The following ARHGAP18 variants were observed in gnomAD, a reference collection of about 807,000 sequenced individuals.
ARHGAP18 encodes the protein Rho GTPase activating protein 18.
ARHGAP18 carries 67 observed loss-of-function variants against 86.2 expected under a neutral mutation model. That is an observed-to-expected ratio of 0.78 (90% CI 0.64 to 0.95). The LOEUF (loss-of-function observed/expected upper bound fraction) is 0.95, where lower values mean the gene tolerates loss of function less well. ARHGAP18 is among the 40% of genes least tolerant of loss of function. The pLI, the probability that ARHGAP18 is intolerant of heterozygous loss-of-function variation, is 0.00. For missense variants in ARHGAP18, 691 were observed against 780.4 expected (o/e 0.89, Z 1.37); for synonymous variants, 283 against 280.4 (o/e 1.01, Z -0.09).
intron 1 of ARHGAP18, among the ~76,000 whole-genome samples, chr6:129,642,619 C>T (rs1341614332): frequency 2.0e-5 from 3 of 152,030 alleles, no homozygotes; most frequent in Non-Finnish European, 2.9e-5. Flanking sequence ...AAACCTGAAA[C>T]TTTGTTTTTA....
intron 5 of ARHGAP18, among the ~76,000 whole-genome samples, chr6:129,626,086 A>ACACG (rs1726999162): frequency 7.7e-6 from 1 of 130,702 alleles, no homozygotes; most frequent in Admixed American, 8.9e-5. Flanking sequence ...ACACACACAC[A>ACACG]CACACACACA....
chr6:129,664,797 C>A (rs1343774359), intron 1 of ARHGAP18, among the ~76,000 whole-genome samples: 1 of 152,102 alleles, frequency 6.6e-6, no homozygotes, highest in Non-Finnish European at 1.5e-5. Flanking sequence ...GATGTATAAC[C>A]AGTCAGGTGG....
At chr6:129,644,480 T>A (rs1456335584) in intron 1 of ARHGAP18, among the ~76,000 whole-genome samples, 1 of 152,244 alleles carries the variant, frequency 6.6e-6, no homozygotes, top group African/African-American at 2.4e-5. Context: ...AATGTTAATT[T>A]ACAGATGACT....
Position 129,576,716 on chromosome 6 carries a change from T to C in ARHGAP18, c.*1797A>G, listed in dbSNP as rs1354288520. 4 of 152,184 alleles carry C rather than the reference T, an allele frequency of 2.6e-5. No individual in the cohort carries two copies. Among genetic ancestry groups the C allele is most frequent in the African/African-American group, 9.6e-5 (4 of 41,458 alleles). The allele number at this position is 152,184 out of a possible 1,614,324, so 9.4% of individuals were successfully genotyped here. A position where few individuals can be genotyped will look rare whatever the true frequency, so the allele number is the denominator to read the frequency against. On this transcript the variant is annotated 3_prime_UTR_variant, in exon 15 of 15. Coordinates refer to ENST00000368149, the MANE Select transcript of ARHGAP18 (RefSeq NM_033515.3). ...TCAGACAACCTTTTACTTAAATCAT[T>C]ATCCTCACTGCTATCTTTTTTTTTG...
At chr6:129,609,347 T>A (rs1428408310) in intron 8 of ARHGAP18, among the ~76,000 whole-genome samples, 1 of 152,204 alleles carries the variant, frequency 6.6e-6, no homozygotes. Context: ...GCCAGCTGAA[T>A]CCACTTAATT....
At position 129,616,086 on chromosome 6, in the gene ARHGAP18, T is replaced by C. The variant is rs78653821; in HGVS notation, c.1044+126A>G. On this transcript the variant is annotated intron_variant, in intron 7 of 14. Transcript: ENST00000368149. Reference sequence around the variant, plus strand: ...CCTTGAAACCAATTTGCTTCCTGAATAGAAAATCAAAGTACAAAACATGAC... The same window carrying C: ...CCTTGAAACCAATTTGCTTCCTGAACAGAAAATCAAAGTACAAAACATGAC... 2.9e-4 allele frequency: 202 copies of C among 692,548 alleles called. No homozygotes were observed. The African/African-American group carries it at 3.3e-3, about 11-fold the overall frequency. 42.9% of individuals were successfully genotyped at this position (692,548 alleles called of 1,614,324 possible). A position where few individuals can be genotyped will look rare whatever the true frequency, so the allele number is the denominator to read the frequency against.
rs760713815 is a variant in ARHGAP18, at chr6:129,669,172, CT to C, written c.114-27155del. Among the ~76,000 whole-genome samples, 941 of 144,902 alleles carry C rather than the reference CT, an allele frequency of 6.5e-3. 11 individuals are homozygous for C. The highest frequency in any genetic ancestry group is 0.021 in the African/African-American group (825 of 39,696). On this transcript the variant is annotated intron_variant, in intron 1 of 14. Transcript: ENST00000368149. ...TGCTGTGCTTGGCATCTAACACGCACTTTTTTTTTTTTTTCTTGAGACGGAG... is the reference window on the plus strand; with the variant it reads ...TGCTGTGCTTGGCATCTAACACGCACTTTTTTTTTTTTTCTTGAGACGGAG...
chr6:129,649,223 G>C (rs1773650122), intron 1 of ARHGAP18, among the ~76,000 whole-genome samples: 1 of 152,116 alleles, frequency 6.6e-6, no homozygotes, highest in Admixed American at 6.5e-5. Context: ...GGAAAAAAAT[G>C]AAATTTACTT....
At chr6:129,625,137 ATATAT>A (rs1789339057) in intron 5 of ARHGAP18, among the ~76,000 whole-genome samples, 1 of 4,530 alleles carries the variant, frequency 2.2e-4, no homozygotes, top group Non-Finnish European at 3.0e-4. Context: ...TATATATGAT[ATATAT>A]TATATATTAT....
chr6:129,613,212 G>C lies in ARHGAP18; in HGVS notation c.1045-1602C>G, dbSNP rs1214880209. On this transcript the variant is annotated intron_variant, in intron 7 of 14. Transcript: ENST00000368149. ...CGCAACAGTGCACTCCAGCCTGGGC[G>C]ACAGAGCGAGACTCTGTCTCAAAAA... Among the ~76,000 whole-genome samples the C allele has an allele frequency of 4.4e-5, 6 of 136,298 alleles. No individual in the cohort carries two copies. The South Asian group carries it at 1.4e-3, about 31-fold the overall frequency. The allele number at this position is 136,298 out of a possible 152,430, so 89.4% of individuals were successfully genotyped here.
Position 129,611,549 on chromosome 6 carries a change from G to A in ARHGAP18, c.1106C>T (p.Ala369Val). Reference protein sequence around the residue: ...ETEGLLRIPGAAIRIKNLCQE... With the variant: ...ETEGLLRIPGVAIRIKNLCQE... Reference sequence around the variant, plus strand: ...AGAGATTACCTTGATTCTAATGGCAGCTCCAGGGATCCGTAAGAGGCCTTC... The same window carrying A: ...AGAGATTACCTTGATTCTAATGGCAACTCCAGGGATCCGTAAGAGGCCTTC... Residue 369 changes from alanine to valine, a missense_variant, in exon 8 of 15, where the codon GCT becomes GTT. Physicochemically the swap from Ala to Val is moderately conservative, Grantham distance 64. Coordinates refer to ENST00000368149, the MANE Select transcript of ARHGAP18 (RefSeq NM_033515.3). 6.2e-7 allele frequency: 1 copy of A among 1,613,670 alleles called. No homozygotes were observed.
At chr6:129,696,320 AC>A (rs1774615994) in intron 1 of ARHGAP18, among the ~76,000 whole-genome samples, 1 of 152,234 alleles carries the variant, frequency 6.6e-6, no homozygotes, top group Non-Finnish European at 1.5e-5. Flanking sequence ...ATAATAGCTA[AC>A]TAACATTTCA....
chr6:129,610,668 C>T lies in ARHGAP18; in HGVS notation c.1122+865G>A, dbSNP rs183206640. On this transcript the variant is annotated intron_variant, in intron 8 of 14. Coordinates refer to ENST00000368149, the MANE Select transcript of ARHGAP18 (RefSeq NM_033515.3). The stretch of plus-strand genomic sequence containing the variant: ...TTTGAGACGAAGTCTCGCACTGTTG[C>T]CCGGGCTGGAGTGCAATGGTGCGAT... Among the ~76,000 whole-genome samples, 611 of 152,140 alleles carry T rather than the reference C, an allele frequency of 4.0e-3. 2 individuals are homozygous for T. Among genetic ancestry groups the T allele is most frequent in the Middle Eastern group, 0.017 (5 of 294 alleles).
intron 1 of ARHGAP18, among the ~76,000 whole-genome samples, chr6:129,663,055 C>G (rs914388385): frequency 4.1e-4 from 63 of 152,176 alleles, no homozygotes; most frequent in African/African-American, 1.5e-3. Context: ...GATGAGGAAA[C>G]TGAGGCTTAG....
At chr6:129,582,448 T>C (rs541073336) in intron 13 of ARHGAP18, among the ~76,000 whole-genome samples, 75 of 152,154 alleles carry the variant, frequency 4.9e-4, no homozygotes, top group Non-Finnish European at 8.5e-4. Context: ...GCTGCTTATA[T>C]CTGAAGTCTG....
intron 1 of ARHGAP18, among the ~76,000 whole-genome samples, chr6:129,707,397 T>A (rs11154494): frequency 1.3e-5 from 2 of 152,064 alleles, no homozygotes; most frequent in Admixed American, 6.5e-5. Context: ...AAAGTTATAC[T>A]TCCGTGCTAT....
intron 1 of ARHGAP18, among the ~76,000 whole-genome samples, chr6:129,703,434 G>A (rs1239323661): frequency 1.3e-5 from 2 of 152,210 alleles, no homozygotes; most frequent in Non-Finnish European, 2.9e-5. Context: ...CAGTGCAATC[G>A]TACAATGCAG....
Position 129,578,525 on chromosome 6 carries a change from T to A in ARHGAP18, c.1980A>T (p.Ser660=), listed in dbSNP as rs752424330. The change falls in exon 15 of 15, where the codon TCA becomes TCT. Residue 660 remains serine, a synonymous_variant. Coordinates refer to ENST00000368149, the MANE Select transcript of ARHGAP18 (RefSeq NM_033515.3). Reference sequence around the variant, plus strand: ...CTTGTTAAGTCTTCTACAATGGCTTTGACTTTATAACCCACTCAGCATTTG... The same window carrying A: ...CTTGTTAAGTCTTCTACAATGGCTTAGACTTTATAACCCACTCAGCATTTG... The part of the protein sequence containing the change: ...LNPNAEWVIK[S]KPL 6.2e-7 allele frequency: 1 copy of A among 1,611,854 alleles called. No individual in the cohort carries two copies. Among genetic ancestry groups the A allele is most frequent in the South Asian group, 1.1e-5 (1 of 90,816 alleles).
chr6:129,629,397 T>C lies in ARHGAP18; in HGVS notation c.742A>G (p.Lys248Glu), dbSNP rs1055545656. ...EQALNQKESSKEKIQKSKGDD... is the reference protein window; with the variant it reads ...EQALNQKESSEEKIQKSKGDD... ...CCTTTGCTCTTCTGGATTTTCTCCT[T>C]GGAGCTCTCTTTCTGATTGAGTGCT... The change falls in exon 5 of 15, where the codon AAG (lysine) becomes GAG (glutamate). Residue 248 changes from lysine to glutamate, a missense_variant. Lys to Glu is a moderately conservative substitution (Grantham distance 56). Coordinates refer to ENST00000368149, the MANE Select transcript of ARHGAP18 (RefSeq NM_033515.3). 1 of 1,613,988 alleles carries C rather than the reference T, an allele frequency of 6.2e-7. No individual in the cohort carries two copies. The highest frequency in any genetic ancestry group is 8.5e-7 in the Non-Finnish European group (1 of 1,179,970).
Sources: allele counts gnomAD v4.1 joint callset (sites outside exome capture counted in the v4.1 genomes callset), GRCh38; gene constraint gnomAD v4.1.1; transcripts MANE v1.5; gene names NCBI Gene and HGNC (gene_info 2026-07-23, HGNC 2026-07-21).